The following ANKRD65 variants were observed in gnomAD, a reference collection of about 807,000 sequenced individuals.
The protein encoded by ANKRD65 is ankyrin repeat domain-containing protein 65.
ANKRD65 carries 26 observed loss-of-function variants against 17.2 expected under a neutral mutation model. The ratio of observed to expected loss-of-function variants is 1.51; its 90% CI spans 1.11 to 2.09. The LOEUF (loss-of-function observed/expected upper bound fraction) is 2.09, where lower values mean the gene tolerates loss of function less well. Ranked by LOEUF, ANKRD65 falls within the 30% of genes most tolerant of loss-of-function variation. The probability of loss-of-function intolerance (pLI) is 0.00; values close to 1 mark genes in which losing one functional copy is unlikely to be tolerated. For missense variants in ANKRD65, 621 were observed against 542.2 expected (o/e 1.15, Z -1.44); for synonymous variants, 311 against 272.2 (o/e 1.14, Z -1.40).
rs547934717 is a variant in ANKRD65 at position 1,421,196 on chromosome 1, C to G, written c.-64G>C. On this transcript the variant is annotated 5_prime_UTR_variant, in exon 1 of 4. Transcript: ENST00000537107. ...GGGTCCTCTGTAGACGGGTTCTGGC[C>G]GAGGCTCAGCCTGGTGACCCTCTTC... 1 of 603,226 alleles carries G rather than the reference C, an allele frequency of 1.7e-6. No individual in the cohort carries two copies. Among genetic ancestry groups the G allele is most frequent in the Non-Finnish European group, 2.9e-6 (1 of 342,730 alleles). 37.4% of individuals were successfully genotyped at this position (603,226 alleles called of 1,614,324 possible).
chr1:1,418,904 T>G lies in ANKRD65; in HGVS notation c.*196A>C. ...TATGGAGAAGGCTGGAGCTGCAGGG[T>G]CAGTGGGCCCTCCTGGGAGCTGGGG... On this transcript the variant is annotated 3_prime_UTR_variant, in exon 4 of 4. Transcript: ENST00000537107. The G allele has an allele frequency of 1.8e-6, 1 of 569,050 alleles. No individual in the cohort carries two copies. Among genetic ancestry groups the G allele is most frequent in the Non-Finnish European group, 3.0e-6 (1 of 328,796 alleles). The allele number at this position is 569,050 out of a possible 1,614,324, so 35.3% of individuals were successfully genotyped here.
Position 1,419,153 on chromosome 1 carries a change from G to A in ANKRD65, c.1147C>T (p.Pro383Ser), listed in dbSNP as rs921851814. 26 of 1,539,060 alleles carry A rather than the reference G, an allele frequency of 1.7e-5. No individual in the cohort carries two copies. Among genetic ancestry groups the A allele is most frequent in the Non-Finnish European group, 2.3e-5 (26 of 1,138,312 alleles). The change falls in exon 4 of 4, where the codon CCT becomes TCT. Residue 383 changes from proline (P) to serine (S), a missense_variant. By Grantham distance (74) the Pro-to-Ser change is moderately conservative. Transcript: ENST00000537107. ...MPEGDLPQAL[P>S]ELGGGEKECE... ...TCCTTCTCCCCCCCTCCAAGTTCAG[G>A]CAGCGCCTGGGGCAGGTCCCCCTCA...
At chr1:1,420,701 C>G (rs1645539741) in intron 2 of ANKRD65, 96 bp downstream of exon 2, 1 of 1,428,130 alleles carries the variant, frequency 7.0e-7, no homozygotes, top group Admixed American at 2.5e-5. Context: ...CGTCCTACCC[C>G]ATCCAGAGAA....
chr1:1,420,603 G>T lies in ANKRD65; in HGVS notation c.210-11C>A. On this transcript the variant is annotated splice_polypyrimidine_tract_variant and intron_variant, in intron 2 of 3. Coordinates refer to ENST00000537107, the MANE Select transcript of ANKRD65 (RefSeq NM_001145210.3). ...CGGCCTGCGTGGTCCCTGAGGAGGG[G>T]GCAAGGGCGTCGGCGCGGGGGTGGA... is the stretch of plus-strand genomic sequence containing the variant. The T allele has an allele frequency of 1.4e-6, 2 of 1,418,884 alleles. No homozygotes were observed. Among genetic ancestry groups the T allele is most frequent in the Non-Finnish European group, 1.8e-6 (2 of 1,089,888 alleles). 87.9% of individuals were successfully genotyped at this position (1,418,884 alleles called of 1,614,324 possible).
chr1:1,419,161 T>A lies in ANKRD65; in HGVS notation c.1139A>T (p.Gln380Leu). ...CCCCCCTCCAAGTTCAGGCAGCGCC[T>A]GGGGCAGGTCCCCCTCAGGCATCTG... ...VAQMPEGDLPQALPELGGGEK... is the reference protein window; with the variant it reads ...VAQMPEGDLPLALPELGGGEK... Residue 380 changes from glutamine to leucine, a missense_variant, in exon 4 of 4, where the codon CAG becomes CTG. Transcript: ENST00000537107. The A allele has an allele frequency of 6.5e-7, 1 of 1,543,092 alleles. No homozygotes were observed. Among genetic ancestry groups the A allele is most frequent in the Non-Finnish European group, 8.8e-7 (1 of 1,141,202 alleles).
In ANKRD65 at chr1:1,420,318, C is replaced by G. The variant is rs2100424425; in HGVS notation, c.484G>C (p.Ala162Pro). Residue 162 changes from alanine (A) to proline (P), a missense_variant, in exon 3 of 4, where the codon GCT (alanine) becomes CCT (proline). By Grantham distance (27) the Ala-to-Pro change is conservative. Coordinates refer to ENST00000537107, the MANE Select transcript of ANKRD65 (RefSeq NM_001145210.3). ...HTLLAARLLEAPGPGPAAAEA... is the reference protein window; with the variant it reads ...HTLLAARLLEPPGPGPAAAEA... ...GCTGCCGCGGGTCCCGGGCCCGGAG[C>G]CTCCAGCAGGCGCGCGGCCAGCAGC... is the stretch of plus-strand genomic sequence containing the variant. 3.6e-6 allele frequency: 4 copies of G among 1,104,486 alleles called. No homozygotes were observed. Among genetic ancestry groups the G allele is most frequent in the East Asian group, 6.0e-5 (1 of 16,630 alleles). 68.4% of individuals were successfully genotyped at this position (1,104,486 alleles called of 1,614,324 possible).
rs555119684 is a variant in ANKRD65, at chr1:1,419,141, C to T, written c.1159G>A (p.Gly387Arg). The change falls in exon 4 of 4, where the codon GGG becomes AGG. Residue 387 changes from glycine (G) to arginine (R), a missense_variant. Gly to Arg is a moderately radical substitution (Grantham distance 125). Coordinates refer to ENST00000537107, the MANE Select transcript of ANKRD65 (RefSeq NM_001145210.3). ...ATGCCCTCACACTCCTTCTCCCCCC[C>T]TCCAAGTTCAGGCAGCGCCTGGGGC... ...DLPQALPELG[G>R]GEKECEGIES... 77 of 1,534,786 alleles carry T rather than the reference C, an allele frequency of 5.0e-5. No individual in the cohort carries two copies. Among genetic ancestry groups the T allele is most frequent in the Non-Finnish European group, 6.3e-5 (72 of 1,135,816 alleles).
chr1:1,419,091 C>T lies in ANKRD65; in HGVS notation c.*9G>A. The T allele has an allele frequency of 6.8e-7, 1 of 1,476,584 alleles. No homozygotes were observed. Among genetic ancestry groups the T allele is most frequent in the Non-Finnish European group, 9.0e-7 (1 of 1,105,748 alleles). 91.5% of individuals were successfully genotyped at this position (1,476,584 alleles called of 1,614,324 possible). On this transcript the variant is annotated 3_prime_UTR_variant, in exon 4 of 4. Coordinates refer to ENST00000537107, the MANE Select transcript of ANKRD65 (RefSeq NM_001145210.3). Reference sequence around the variant, plus strand: ...CTGGGGCGGTGGAGCCTGGAGCCTGCTGTCTGGCTCAGCCCGTGGACTCTA... The same window carrying T: ...CTGGGGCGGTGGAGCCTGGAGCCTGTTGTCTGGCTCAGCCCGTGGACTCTA...
In ANKRD65 at chr1:1,421,170, A is replaced by G. The variant is rs12089560; in HGVS notation, c.-38T>C. 94,703 of 673,206 alleles carry G rather than the reference A, an allele frequency of 0.14. 14,380 individuals are homozygous for G. Among genetic ancestry groups the G allele is most frequent in the African/African-American group, 0.62 (34,234 of 54,996 alleles). The allele number at this position is 673,206 out of a possible 1,614,324, so 41.7% of individuals were successfully genotyped here. A position where few individuals can be genotyped will look rare whatever the true frequency, so the allele number is the denominator to read the frequency against. On this transcript the variant is annotated 5_prime_UTR_variant, in exon 1 of 4. Transcript: ENST00000537107. ...GCTCAGGAGCTTTCTGCTCTGGCTG[A>G]GGGTCCTCTGTAGACGGGTTCTGGC...
Position 1,420,416 on chromosome 1 carries a change from C to A in ANKRD65, c.386G>T (p.Arg129Leu). Reference sequence around the variant, plus strand: ...GGAGCGAGCCGCCGCCGAGGCCCCGCGCTGCAGCAGCAGCTCGGCCACCCG... The same window carrying A: ...GGAGCGAGCCGCCGCCGAGGCCCCGAGCTGCAGCAGCAGCTCGGCCACCCG... Reference protein sequence around the residue: ...HSRVAELLLQRGASAAARSGT... With the variant: ...HSRVAELLLQLGASAAARSGT... Residue 129 changes from arginine to leucine, a missense_variant, in exon 3 of 4, where the codon CGC becomes CTC. Physicochemically the swap from Arg to Leu is moderately radical, Grantham distance 102 (BLOSUM62 -2). Transcript: ENST00000537107. 7.5e-7 allele frequency: 1 copy of A among 1,326,776 alleles called. No homozygotes were observed. Among genetic ancestry groups the A allele is most frequent in the South Asian group, 1.7e-5 (1 of 58,174 alleles). 82.2% of individuals were successfully genotyped at this position (1,326,776 alleles called of 1,614,324 possible).
At position 1,419,252 on chromosome 1, in the gene ANKRD65, TA is replaced by T. The variant is rs112928895; in HGVS notation, c.1047del (p.Thr350ProfsTer6). 1.9e-6 allele frequency: 3 copies of T among 1,550,366 alleles called. No individual in the cohort carries two copies. Among genetic ancestry groups the T allele is most frequent in the African/African-American group, 1.4e-5 (1 of 73,182 alleles). Reference protein sequence around the residue: ...LHLAAERGHGPTVGLLLSRGA... With the variant: ...LHLAAERGHGXTVGLLLSRGA... ...CCTCGGCTCAGCAGAAGCCCCACGG[TA>T]GGCCCATGCCCTCGCTCTGCAGCCA... is the stretch of plus-strand genomic sequence containing the variant. On this transcript the variant is annotated frameshift_variant, in exon 4 of 4. Transcript: ENST00000537107. LOFTEE classifies it low-confidence loss of function (END_TRUNC).
chr1:1,420,414 C>G lies in ANKRD65; in HGVS notation c.388G>C (p.Gly130Arg). The change falls in exon 3 of 4, where the codon GGG (glycine) becomes CGG (arginine). Residue 130 changes from glycine (G) to arginine (R), a missense_variant. Transcript: ENST00000537107. ...SRVAELLLQR[G>R]ASAAARSGTG... Reference sequence around the variant, plus strand: ...CCGGAGCGAGCCGCCGCCGAGGCCCCGCGCTGCAGCAGCAGCTCGGCCACC... The same window carrying G: ...CCGGAGCGAGCCGCCGCCGAGGCCCGGCGCTGCAGCAGCAGCTCGGCCACC... 1 of 1,326,556 alleles carries G rather than the reference C, an allele frequency of 7.5e-7. No homozygotes were observed. The highest frequency in any genetic ancestry group is 9.7e-7 in the Non-Finnish European group (1 of 1,035,516). 82.2% of individuals were successfully genotyped at this position (1,326,556 alleles called of 1,614,324 possible). A position where few individuals can be genotyped will look rare whatever the true frequency, so the allele number is the denominator to read the frequency against.
intron 3 of ANKRD65, 56 bp downstream of exon 3, chr1:1,419,996 G>A: frequency 1.6e-6 from 2 of 1,231,394 alleles, no homozygotes; most frequent in South Asian, 5.7e-5. Flanking sequence ...GCACGTCTCT[G>A]GGGATCCTGG....
chr1:1,420,183 G>C lies in ANKRD65; in HGVS notation c.619C>G (p.Leu207Val). 9.5e-7 allele frequency: 1 copy of C among 1,057,768 alleles called. No homozygotes were observed. Among genetic ancestry groups the C allele is most frequent in the Non-Finnish European group, 1.1e-6 (1 of 880,026 alleles). 65.5% of individuals were successfully genotyped at this position (1,057,768 alleles called of 1,614,324 possible). The change falls in exon 3 of 4, where the codon CTG becomes GTG. Residue 207 changes from leucine (L) to valine (V), a missense_variant. By Grantham distance (32) the Leu-to-Val change is conservative (BLOSUM62 1). Transcript: ENST00000537107. ...AAGGAGLDGA[L>V]LVAAAAGRGA... ...CGCCCCGCAGCGGCAGCCACGAGCA[G>C]GGCGCCGTCCAGGCCCGCGCCGCCG... is the stretch of plus-strand genomic sequence containing the variant.
chr1:1,419,244 C>T lies in ANKRD65; in HGVS notation c.1056G>A (p.Gly352=), dbSNP rs756670952. ...AAERGHGPTV[G]LLLSRGASPT... ...GGCTGGCCCCTCGGCTCAGCAGAAG[C>T]CCCACGGTAGGCCCATGCCCTCGCT... Residue 352 remains glycine (G), a synonymous_variant, in exon 4 of 4, where the codon GGG becomes GGA. Coordinates refer to ENST00000537107, the MANE Select transcript of ANKRD65 (RefSeq NM_001145210.3). The T allele has an allele frequency of 1.5e-5, 23 of 1,550,236 alleles. No homozygotes were observed. The South Asian group carries it at 2.7e-4, about 18-fold the overall frequency.
rs920244391 is a variant in ANKRD65 at position 1,420,047 on chromosome 1, C to T, written c.750+5G>A. On this transcript the variant is annotated splice_donor_5th_base_variant and intron_variant, in intron 3 of 3. Coordinates refer to ENST00000537107, the MANE Select transcript of ANKRD65 (RefSeq NM_001145210.3). Reference sequence around the variant, plus strand: ...CATCACTGCCGGGCGGAGGGCGGGACGTACCTGGGAGCGGCCTAGGGCGGC... The same window carrying T: ...CATCACTGCCGGGCGGAGGGCGGGATGTACCTGGGAGCGGCCTAGGGCGGC... 6.3e-6 allele frequency: 8 copies of T among 1,271,780 alleles called. No homozygotes were observed. The highest frequency in any genetic ancestry group is 6.9e-6 in the Non-Finnish European group (7 of 1,008,936). The allele number at this position is 1,271,780 out of a possible 1,614,324, so 78.8% of individuals were successfully genotyped here.
rs767193977 is a variant in ANKRD65 at position 1,419,491 on chromosome 1, C to T, written c.809G>A (p.Arg270His). Residue 270 changes from arginine to histidine, a missense_variant, in exon 4 of 4, where the codon CGC (arginine) becomes CAC (histidine). Arg to His is a conservative substitution (Grantham distance 29). Coordinates refer to ENST00000537107, the MANE Select transcript of ANKRD65 (RefSeq NM_001145210.3). ...ADPGIRDRHG[R>H]SALHRAAARG... is the part of the protein sequence containing the mutation. Reference sequence around the variant, plus strand: ...GGCGGCAGCCCTGTGCAGCGCAGAGCGGCCATGCCTGTCCCTGATGCCTGG... The same window carrying T: ...GGCGGCAGCCCTGTGCAGCGCAGAGTGGCCATGCCTGTCCCTGATGCCTGG... 1.6e-5 allele frequency: 25 copies of T among 1,545,420 alleles called. No individual in the cohort carries two copies. The highest frequency in any genetic ancestry group is 3.9e-5 in the Admixed American group (2 of 50,954).
intron 3 of ANKRD65, 71 bp downstream of exon 3, chr1:1,419,981 C>A (rs961150138): frequency 3.3e-6 from 4 of 1,204,086 alleles, no homozygotes; most frequent in Non-Finnish European, 4.1e-6. Flanking sequence ...CCAGCTGCCC[C>A]GGTGGCACGT....
At chr1:1,419,941 C>T in intron 3 of ANKRD65, 111 bp downstream of exon 3, 1 of 1,132,758 alleles carries the variant, frequency 8.8e-7, no homozygotes, top group Non-Finnish European at 1.1e-6. Context: ...TCAGGGCCTT[C>T]GTGCCTGGAC....
Sources: gnomAD v4.1 joint callset for allele counts on GRCh38, gnomAD v4.1.1 for gene constraint, MANE v1.5 for transcripts, NCBI Gene and HGNC (gene_info 2026-07-23, HGNC 2026-07-21) for gene names.